Variants in SCHIP1 observed in about 807,000 individuals in gnomAD.
The protein encoded by SCHIP1 is schwannomin-interacting protein 1.
In SCHIP1, 8 loss-of-function variants were observed where a neutral mutation model predicts 29.7. The ratio of observed to expected loss-of-function variants is 0.27; its 90% confidence interval spans 0.16 to 0.49. The LOEUF (loss-of-function observed/expected upper bound fraction) is 0.49, where lower values mean the gene tolerates loss of function less well. Among genes scored for constraint, SCHIP1 ranks in the 20% least tolerant of loss-of-function variants. SCHIP1 has a pLI of 0.99. For synonymous variants in SCHIP1, 76 were observed against 94.9 expected (o/e 0.80, Z 1.16); for missense variants, 193 against 294.6 (o/e 0.66, Z 2.52).
At chr3:159,764,895 G>A in the SCHIP1 span, 4 of 1,569,258 alleles carry the variant, frequency 2.5e-6, no homozygotes, top group Non-Finnish European at 3.4e-6. This position sits in a 1 kb window ranked among gnomAD's most constrained non-coding sequence, Gnocchi z 6.1. Context: ...CTGGCCGGCC[G>A]AGCTGTTCCC....
chr3:159,414,463 C>G, the SCHIP1 span, among the ~76,000 whole-genome samples: 1 of 152,174 alleles, frequency 6.6e-6, no homozygotes, highest in African/African-American at 2.4e-5. Flanking sequence ...TCCAGGTGCT[C>G]TCCTTTTTGG....
chr3:159,300,112 G>GTTTTTTTTTTTT, the SCHIP1 span, among the ~76,000 whole-genome samples: 8 of 47,628 alleles, frequency 1.7e-4, no homozygotes, highest in Non-Finnish European at 3.3e-4. Context: ...AGGGAAAGCT[G>GTTTTTTTTTTTT]CTTTTTTTTT....
At chr3:159,675,024 A>C in the SCHIP1 span, among the ~76,000 whole-genome samples, 2 of 152,206 alleles carry the variant, frequency 1.3e-5, no homozygotes, top group Non-Finnish European at 1.5e-5. Context: ...CCCAGGCCAC[A>C]GACTGGTTTG....
At chr3:159,719,881 G>T in the SCHIP1 span, among the ~76,000 whole-genome samples, 3 of 152,304 alleles carry the variant, frequency 2.0e-5, no homozygotes, top group Admixed American at 6.5e-5. Flanking sequence ...TCCCATTACT[G>T]GGTATACACC....
At chr3:159,626,732 GTTGTGTGGT>G in the SCHIP1 span, among the ~76,000 whole-genome samples, 1 of 152,174 alleles carries the variant, frequency 6.6e-6, no homozygotes, top group African/African-American at 2.4e-5. Flanking sequence ...TCTACAGGCT[GTTGTGTGGT>G]TTGTTGTCCC....
chr3:159,576,126 T>C, the SCHIP1 span, among the ~76,000 whole-genome samples: 1 of 152,156 alleles, frequency 6.6e-6, no homozygotes, highest in Non-Finnish European at 1.5e-5. Flanking sequence ...GTTTATAACA[T>C]AAAGAAATGA....
At chr3:159,774,071 G>A in the SCHIP1 span, among the ~76,000 whole-genome samples, 4 of 152,238 alleles carry the variant, frequency 2.6e-5, no homozygotes, top group Non-Finnish European at 5.9e-5. Context: ...GTTCCCTGGT[G>A]AGAGCAAGAA....
chr3:159,297,601 TG>T, the SCHIP1 span, among the ~76,000 whole-genome samples: 16 of 152,078 alleles, frequency 1.1e-4, no homozygotes, highest in Non-Finnish European at 2.2e-4. Context: ...GATGGTAAAA[TG>T]TTTTTTTAAA....
Position 159,867,605 on chromosome 3 carries a change from T to TCC in SCHIP1, c.149+1326_149+1327dup, listed in dbSNP as rs531128313. Among the ~76,000 whole-genome samples the TCC allele has an allele frequency of 1.6e-4, 25 of 152,250 alleles. No individual in the cohort carries two copies. In the East Asian group the frequency reaches 4.6e-3, roughly 28 times the overall value. On this transcript the variant is annotated intron_variant, in intron 2 of 6. Coordinates refer to ENST00000445224, the Ensembl canonical transcript of SCHIP1. ...GGGTGCCAGCTCTGTCTCAGAACAT[T>TCC]CCCTTGTGTTCCTACACATCCCTCC...
the SCHIP1 span, among the ~76,000 whole-genome samples, chr3:159,626,289 T>TAGAA: frequency 1.2e-4 from 18 of 146,158 alleles, no homozygotes; most frequent in Admixed American, 2.0e-4. Flanking sequence ...GATAGATAGA[T>TAGAA]AGATAGATAG....
chr3:159,596,072 C>T, the SCHIP1 span, among the ~76,000 whole-genome samples: 1 of 152,298 alleles, frequency 6.6e-6, no homozygotes, highest in East Asian at 1.9e-4. Context: ...GGGCTAATAT[C>T]CAGAATCTAC....
chr3:159,518,685 A>C, the SCHIP1 span, among the ~76,000 whole-genome samples: 2 of 152,162 alleles, frequency 1.3e-5, no homozygotes, highest in Non-Finnish European at 2.9e-5. Context: ...TATAATCTCT[A>C]GAATCTAAAA....
At chr3:159,307,985 A>C in the SCHIP1 span, among the ~76,000 whole-genome samples, 1 of 151,774 alleles carries the variant, frequency 6.6e-6, no homozygotes, top group Non-Finnish European at 1.5e-5. Flanking sequence ...GCTTTACAGT[A>C]TATATATTTT....
the SCHIP1 span, among the ~76,000 whole-genome samples, chr3:159,582,598 T>C: frequency 1.3e-5 from 2 of 152,134 alleles, no homozygotes; most frequent in Admixed American, 6.6e-5. Flanking sequence ...ATTAGGTTTT[T>C]TAAGATATAA....
At chr3:159,468,756 AAT>A in the SCHIP1 span, among the ~76,000 whole-genome samples, 34 of 123,822 alleles carry the variant, frequency 2.7e-4, no homozygotes, top group South Asian at 5.1e-4. Context: ...TATATAATAT[AAT>A]ATATATATAT....
the SCHIP1 span, among the ~76,000 whole-genome samples, chr3:159,708,509 G>A: frequency 2.6e-5 from 4 of 152,170 alleles, no homozygotes; most frequent in African/African-American, 7.2e-5. Context: ...AAATAGGCAC[G>A]AATGAAAGTT....
chr3:159,728,655 T>C, the SCHIP1 span, among the ~76,000 whole-genome samples: 1 of 152,290 alleles, frequency 6.6e-6, no homozygotes, highest in Admixed American at 6.5e-5. Flanking sequence ...AGCAGAGCAA[T>C]GCTATGCTCA....
chr3:159,489,607 A>C, the SCHIP1 span, among the ~76,000 whole-genome samples: 2 of 152,220 alleles, frequency 1.3e-5, no homozygotes, highest in African/African-American at 4.8e-5. Context: ...ATACTTGTAC[A>C]TAAGAATTAC....
At chr3:159,653,393 G>A in the SCHIP1 span, among the ~76,000 whole-genome samples, 1 of 152,110 alleles carries the variant, frequency 6.6e-6, no homozygotes, top group Admixed American at 6.5e-5. Context: ...ATATACCATG[G>A]AATACTATAC....
Sources: allele counts gnomAD v4.1 joint callset (sites outside exome capture counted in the v4.1 genomes callset), GRCh38; gene constraint gnomAD v4.1.1; non-coding constraint Gnocchi (gnomAD v3.1); transcripts MANE v1.5; gene names NCBI Gene and HGNC (gene_info 2026-07-23, HGNC 2026-07-21).